Variants in LPP observed in about 807,000 individuals in gnomAD.
The protein encoded by LPP is LIM domain containing preferred translocation partner in lipoma.
LPP carries 38 observed loss-of-function variants against 60.4 expected under a neutral mutation model. The observed-to-expected ratio is 0.63, with a 90% CI of 0.49 to 0.83. LPP has a LOEUF of 0.83. Among genes scored for constraint, LPP ranks in the 40% least tolerant of loss-of-function variants. The probability of loss-of-function intolerance (pLI) is 0.00; values close to 1 mark genes in which losing one functional copy is unlikely to be tolerated. For missense variants in LPP, 902 were observed against 783.6 expected (o/e 1.15, Z -1.80); for synonymous variants, 328 against 290.8 (o/e 1.13, Z -1.30).
chr3:188,296,873 T>C (rs1254163936), intron 2 of LPP, among the ~76,000 whole-genome samples: 1 of 152,214 alleles, frequency 6.6e-6, no homozygotes, highest in Non-Finnish European at 1.5e-5. Flanking sequence ...ACATGGCCAG[T>C]TTCTTCTCCA....
intron 3 of LPP, among the ~76,000 whole-genome samples, chr3:188,396,171 T>A (rs1430911872): frequency 6.6e-6 from 1 of 152,168 alleles, no homozygotes; most frequent in African/African-American, 2.4e-5. Context: ...CAAGCAGTGT[T>A]ATCAGATGTA....
intron 2 of LPP, among the ~76,000 whole-genome samples, chr3:188,328,676 A>C (rs940331961): frequency 6.6e-6 from 1 of 152,216 alleles, no homozygotes; most frequent in Non-Finnish European, 1.5e-5. Context: ...CAATTTAAAC[A>C]GTTACACAAA....
chr3:188,820,842 C>G (rs1753770414), intron 9 of LPP, among the ~76,000 whole-genome samples: 1 of 152,020 alleles, frequency 6.6e-6, no homozygotes, highest in African/African-American at 2.4e-5. Flanking sequence ...ATCGTTATAC[C>G]TTGGCTTTTA....
chr3:188,413,197 C>G (rs180697716), intron 4 of LPP, among the ~76,000 whole-genome samples: 1 of 152,134 alleles, frequency 6.6e-6, no homozygotes, highest in Non-Finnish European at 1.5e-5. Flanking sequence ...ATAATTTAGA[C>G]TGGATTTTCC....
At chr3:188,750,616 G>T (rs182995375) in intron 8 of LPP, among the ~76,000 whole-genome samples, 2 of 152,024 alleles carry the variant, frequency 1.3e-5, no homozygotes, top group Non-Finnish European at 2.9e-5. Context: ...CTGGGCAACC[G>T]AGTGAGACTC....
intron 7 of LPP, among the ~76,000 whole-genome samples, chr3:188,668,023 T>C (rs1189366592): frequency 6.6e-6 from 1 of 152,144 alleles, no homozygotes. Context: ...ACTCACATTA[T>C]CACTTAAAAG....
intron 5 of LPP, among the ~76,000 whole-genome samples, chr3:188,512,683 A>G (rs1312091591): frequency 6.6e-6 from 1 of 152,158 alleles, no homozygotes; most frequent in Non-Finnish European, 1.5e-5. Context: ...TGGGAATTGA[A>G]TACTTTTTTA....
chr3:188,203,823 G>A (rs1365656439), intron 1 of LPP, among the ~76,000 whole-genome samples: 1 of 151,036 alleles, frequency 6.6e-6, no homozygotes, highest in African/African-American at 2.4e-5. Flanking sequence ...AGAGAGTGGT[G>A]TGTGCAGGCT....
chr3:188,200,495 T>C (rs1002377106), intron 1 of LPP, among the ~76,000 whole-genome samples: 1 of 152,150 alleles, frequency 6.6e-6, no homozygotes, highest in Non-Finnish European at 1.5e-5. Flanking sequence ...AAGGAAGATG[T>C]GATTAGGAAG....
At chr3:188,290,085 T>A (rs901187023) in intron 2 of LPP, among the ~76,000 whole-genome samples, 2 of 151,962 alleles carry the variant, frequency 1.3e-5, no homozygotes, top group Non-Finnish European at 2.9e-5. Flanking sequence ...TGATTCTCCT[T>A]CCTCAGCCTC....
At chr3:188,325,188 C>G (rs1035712487) in intron 2 of LPP, among the ~76,000 whole-genome samples, 1 of 152,074 alleles carries the variant, frequency 6.6e-6, no homozygotes, top group African/African-American at 2.4e-5. Context: ...ACCATGTTGG[C>G]CAGGCTGGTC....
chr3:188,638,138 C>T (rs2148696373), intron 7 of LPP, among the ~76,000 whole-genome samples: 1 of 136,626 alleles, frequency 7.3e-6, no homozygotes, highest in African/African-American at 2.7e-5. Context: ...AAAACGAATC[C>T]AGCAGCACAT....
chr3:188,188,925 C>A (rs1727360310), intron 1 of LPP, among the ~76,000 whole-genome samples: 2 of 151,540 alleles, frequency 1.3e-5, no homozygotes, highest in African/African-American at 4.8e-5. Flanking sequence ...ACTGATCATA[C>A]TAAAAGAATA....
At chr3:188,627,705 A>C (rs912281948) in intron 7 of LPP, among the ~76,000 whole-genome samples, 1 of 152,178 alleles carries the variant, frequency 6.6e-6, no homozygotes, top group African/African-American at 2.4e-5. Flanking sequence ...ATTTCTAGAG[A>C]GATCACTAAA....
In LPP at chr3:188,889,794, ACT is replaced by A. The variant is rs1057217894; in HGVS notation, c.*15318_*15319del. The A allele has an allele frequency of 4.6e-6, 1 of 215,628 alleles. No homozygotes were observed. The highest frequency in any genetic ancestry group is 5.8e-5 in the Admixed American group (1 of 17,148). The allele number at this position is 215,628 out of a possible 1,614,324, so 13.4% of individuals were successfully genotyped here. ...CATCATCATTGGATGAATCCAGTTG[ACT>A]CTTTGGCAAAAGGGTGATACTTTTC... On this transcript the variant is annotated 3_prime_UTR_variant, in exon 12 of 12. Coordinates refer to ENST00000617246, the MANE Select transcript of LPP (RefSeq NM_001375462.1).
At chr3:188,607,420 T>TC (rs1842739252) in intron 6 of LPP, among the ~76,000 whole-genome samples, 1 of 117,218 alleles carries the variant, frequency 8.5e-6, no homozygotes, top group Non-Finnish European at 1.9e-5. Context: ...TATATATAAT[T>TC]TTTTTTTCCT....
At chr3:188,378,189 G>C (rs1473970584) in intron 3 of LPP, among the ~76,000 whole-genome samples, 1 of 152,244 alleles carries the variant, frequency 6.6e-6, no homozygotes, top group African/African-American at 2.4e-5. Flanking sequence ...CCCATTCTCA[G>C]ATCTCAAGCT....
In LPP at chr3:188,864,515, A is replaced by G. The variant is rs146948892; in HGVS notation, c.1411-1685A>G. ...CACAAATAATTTAAATAAAGTGCAC[A>G]CTGAAAGTATTGTAAGCAAACCAAA... On this transcript the variant is annotated intron_variant, in intron 9 of 11. Coordinates refer to ENST00000617246, the MANE Select transcript of LPP (RefSeq NM_001375462.1). 3.2e-3 allele frequency among the ~76,000 whole-genome samples: 480 copies of G among 152,374 alleles called. 2 individuals are homozygous for G. Among genetic ancestry groups the G allele is most frequent in the African/African-American group, 7.9e-3 (330 of 41,592 alleles).
At chr3:188,677,296 A>G (rs929980087) in intron 7 of LPP, among the ~76,000 whole-genome samples, 1 of 152,220 alleles carries the variant, frequency 6.6e-6, no homozygotes, top group Non-Finnish European at 1.5e-5. Context: ...TTAGAATCTA[A>G]CATTTTCTTC....
Sources: allele counts gnomAD v4.1 joint callset (sites outside exome capture counted in the v4.1 genomes callset), GRCh38; gene constraint gnomAD v4.1.1; transcripts MANE v1.5; gene names NCBI Gene and HGNC (gene_info 2026-07-23, HGNC 2026-07-21).